Variants in DISP1 observed in about 807,000 individuals in gnomAD.
DISP1 encodes the protein dispatched RND transporter family member 1, also known as protein dispatched homolog 1.
In DISP1, 30 loss-of-function variants were observed where a neutral mutation model predicts 37.3. The observed-to-expected ratio is 0.80, with a 90% CI of 0.60 to 1.09. DISP1 has a LOEUF of 1.09. Ranked by LOEUF, DISP1 falls within the 50% of genes least tolerant of loss-of-function variation. The pLI is 0.00. For synonymous variants in DISP1, 634 were observed against 690.2 expected, an observed-to-expected ratio of 0.92 and a Z score of 1.28; for missense variants, 1,598 against 1,879.5, an observed-to-expected ratio of 0.85 and a Z score of 2.77.
At chr1:222,904,077 A>T (rs545688719) in intron 1 of DISP1, among the ~76,000 whole-genome samples, 4 of 152,324 alleles carry the variant, frequency 2.6e-5, no homozygotes, top group African/African-American at 9.6e-5. Flanking sequence ...TAGTCTTCTT[A>T]TTCATTTCCC....
chr1:222,943,578 A>T, intron 3 of DISP1: 1 of 582,926 alleles, frequency 1.7e-6, no homozygotes, highest in South Asian at 2.0e-5. Flanking sequence ...ACTGGTTAGG[A>T]ATATCTGCTA....
At chr1:222,949,931 T>C (rs1675085752) in intron 3 of DISP1, among the ~76,000 whole-genome samples, 2 of 152,132 alleles carry the variant, frequency 1.3e-5, no homozygotes, top group Non-Finnish European at 2.9e-5. Context: ...CCAGCCACAA[T>C]AAGGAATTTT....
intron 4 of DISP1, among the ~76,000 whole-genome samples, chr1:222,984,418 A>T (rs1169529824): frequency 1.7e-5 from 1 of 60,344 alleles, no homozygotes; most frequent in Non-Finnish European, 3.4e-5. Flanking sequence ...AAAAAAAAAA[A>T]AAAATATATA....
chr1:222,875,830 T>C (rs141535323), intron 1 of DISP1, among the ~76,000 whole-genome samples: 1 of 132,396 alleles, frequency 7.6e-6, no homozygotes. Flanking sequence ...CACATCTCAA[T>C]AAAAAAAAAA....
At chr1:222,918,681 CATG>C (rs1672631566) in intron 1 of DISP1, among the ~76,000 whole-genome samples, 1 of 152,194 alleles carries the variant, frequency 6.6e-6, no homozygotes, top group Non-Finnish European at 1.5e-5. Context: ...ATGGGTCTCT[CATG>C]GTGATAGATC....
intron 1 of DISP1, among the ~76,000 whole-genome samples, chr1:222,833,764 T>C (rs1031477582): frequency 1.3e-5 from 2 of 152,182 alleles, no homozygotes; most frequent in Non-Finnish European, 2.9e-5. Context: ...ACTTTTAGTA[T>C]AGTAGATTTG....
chr1:222,918,728 GAGA>G (rs1465128068), intron 1 of DISP1, among the ~76,000 whole-genome samples: 1 of 152,218 alleles, frequency 6.6e-6, no homozygotes, highest in East Asian at 1.9e-4. Flanking sequence ...GCTATTGCAC[GAGA>G]AGAATAAACC....
At chr1:222,928,076 G>A (rs984851058) in intron 1 of DISP1, among the ~76,000 whole-genome samples, 4 of 152,196 alleles carry the variant, frequency 2.6e-5, no homozygotes, top group Admixed American at 2.6e-4. Flanking sequence ...AACTCAATCT[G>A]TAACACTTAA....
intron 1 of DISP1, among the ~76,000 whole-genome samples, chr1:222,915,696 C>T (rs1180841260): frequency 6.6e-6 from 1 of 152,166 alleles, no homozygotes; most frequent in East Asian, 1.9e-4. Flanking sequence ...TAGGCATGGT[C>T]GGTGACAGAT....
At chr1:222,917,511 G>A (rs1672561733) in intron 1 of DISP1, among the ~76,000 whole-genome samples, 1 of 152,158 alleles carries the variant, frequency 6.6e-6, no homozygotes, top group Non-Finnish European at 1.5e-5. Context: ...AAAGAGAATG[G>A]GAAGTTTTTG....
chr1:222,938,735 A>G (rs1484646457), intron 2 of DISP1, among the ~76,000 whole-genome samples: 1 of 37,962 alleles, frequency 2.6e-5, no homozygotes, highest in Non-Finnish European at 5.8e-5. Context: ...CCTGTCTTTA[A>G]AAAAAAAAAA....
intron 3 of DISP1, among the ~76,000 whole-genome samples, chr1:222,957,148 A>T (rs1232071014): frequency 6.9e-6 from 1 of 144,820 alleles, no homozygotes; most frequent in Non-Finnish European, 1.5e-5. Context: ...ACTATTGTAA[A>T]AAAAAAAAAA....
chr1:223,004,856 CT>C lies in DISP1; in HGVS notation c.3463del (p.Ser1155ProfsTer19). ...PLPKKLQCSA[F>X]SHALSTSPSD... ...TACCTAAAAAACTACAGTGCAGTGC[CT>C]TTTCCCATGCCTTGTCTACAAGTCC... On this transcript the variant is annotated frameshift_variant, in exon 9 of 9. Coordinates refer to ENST00000675850, the MANE Select transcript of DISP1 (RefSeq NM_001377229.1). LOFTEE classifies it low-confidence loss of function (END_TRUNC). This position sits in a 1 kb window ranked among gnomAD's most constrained non-coding sequence, Gnocchi z 4.9. 1 of 1,609,314 alleles carries C rather than the reference CT, an allele frequency of 6.2e-7. No individual in the cohort carries two copies.
intron 1 of DISP1, among the ~76,000 whole-genome samples, chr1:222,879,909 G>A (rs1670180446): frequency 6.6e-6 from 1 of 152,050 alleles, no homozygotes; most frequent in South Asian, 2.1e-4. Context: ...TACATTGCCT[G>A]TGGAATATAG....
intron 1 of DISP1, among the ~76,000 whole-genome samples, chr1:222,875,306 C>G (rs1558306296): frequency 6.6e-6 from 1 of 151,664 alleles, no homozygotes; most frequent in Non-Finnish European, 1.5e-5. Flanking sequence ...GAGTGAGACT[C>G]CTTCTCAAAA....
At chr1:222,938,839 C>T (rs1404266532) in intron 2 of DISP1, among the ~76,000 whole-genome samples, 1 of 149,354 alleles carries the variant, frequency 6.7e-6, no homozygotes, top group Non-Finnish European at 1.5e-5. Context: ...TTAGGGTTAA[C>T]TCCTGATCTC....
chr1:222,836,308 G>T (rs1382718964), intron 1 of DISP1, among the ~76,000 whole-genome samples: 1 of 152,176 alleles, frequency 6.6e-6, no homozygotes, highest in Non-Finnish European at 1.5e-5. Context: ...ATTACTTCAT[G>T]AATTTTCAGC....
chr1:222,964,383 T>G (rs138071345), intron 3 of DISP1, among the ~76,000 whole-genome samples: 171 of 152,302 alleles, frequency 1.1e-3, no homozygotes, highest in African/African-American at 3.8e-3. Context: ...GTGTGTCTGA[T>G]TCGAAGCCTT....
At chr1:222,992,859 C>T (rs1271933467) in intron 7 of DISP1, among the ~76,000 whole-genome samples, 1 of 44,726 alleles carries the variant, frequency 2.2e-5, no homozygotes, top group East Asian at 9.6e-4. Context: ...GGTCAAAAAC[C>T]CAGAATTTTT....
Sources: gnomAD v4.1 joint callset for allele counts (sites outside exome capture counted in the v4.1 genomes callset) on GRCh38, gnomAD v4.1.1 for gene constraint, Gnocchi (gnomAD v3.1) non-coding constraint, MANE v1.5 for transcripts, NCBI Gene and HGNC (gene_info 2026-07-23, HGNC 2026-07-21) for gene names.